The following SUCLG2 variants were observed in gnomAD, a reference collection of about 807,000 sequenced individuals.
SUCLG2 encodes succinate--CoA ligase [GDP-forming] subunit beta, mitochondrial.
A neutral mutation model predicts 47.9 loss-of-function variants in SUCLG2; 42 were observed. The observed-to-expected ratio is 0.88, with a 90% CI of 0.69 to 1.14. SUCLG2 has a LOEUF of 1.14. Ranked by LOEUF, SUCLG2 falls within the 50% of genes most tolerant of loss-of-function variation. SUCLG2 has a pLI of 0.00. For synonymous variants in SUCLG2, 195 were observed against 197.3 expected (o/e 0.99, Z 0.10); for missense variants, 571 against 525.9 (o/e 1.09, Z -0.84).
At chr3:67,456,021 C>T (rs1575707891) in intron 9 of SUCLG2, among the ~76,000 whole-genome samples, 1 of 152,002 alleles carries the variant, frequency 6.6e-6, no homozygotes, top group Non-Finnish European at 1.5e-5. Context: ...TGATATTGAT[C>T]AGTATAAGGC....
chr3:67,634,812 G>A (rs1246205851), intron 1 of SUCLG2, among the ~76,000 whole-genome samples: 1 of 152,140 alleles, frequency 6.6e-6, no homozygotes, highest in Non-Finnish European at 1.5e-5. Context: ...GAAACTCAGT[G>A]CAGACAATAC....
At chr3:67,589,065 T>C (rs1052583981) in intron 2 of SUCLG2, among the ~76,000 whole-genome samples, 1 of 152,190 alleles carries the variant, frequency 6.6e-6, no homozygotes, top group Admixed American at 6.5e-5. Flanking sequence ...CATGATCATC[T>C]TTCTGTCCCT....
chr3:67,624,367 C>T (rs1004191075), intron 1 of SUCLG2, among the ~76,000 whole-genome samples: 1 of 152,130 alleles, frequency 6.6e-6, no homozygotes, highest in Non-Finnish European at 1.5e-5. Flanking sequence ...GTCTGAAGTC[C>T]ACTATTTGTG....
At chr3:67,522,498 T>C (rs1366080398) in intron 4 of SUCLG2, among the ~76,000 whole-genome samples, 2 of 152,020 alleles carry the variant, frequency 1.3e-5, no homozygotes, top group African/African-American at 4.8e-5. Flanking sequence ...ATATTTAAAA[T>C]GTTGATAAGT....
Position 67,599,295 on chromosome 3 carries a change from C to T in SUCLG2, c.226+10160G>A, listed in dbSNP as rs148318353. Among the ~76,000 whole-genome samples the T allele has an allele frequency of 7.2e-5, 11 of 152,186 alleles. No homozygotes were observed. The East Asian group carries it at 9.7e-4, about 13-fold the overall frequency. On this transcript the variant is annotated intron_variant, in intron 2 of 10. Transcript: ENST00000307227. ...TGCACTATGAAAGAAAGAATTTGGACGAAGGCAGGAAGGAAACTGATGTGG... is the reference window on the plus strand; with the variant it reads ...TGCACTATGAAAGAAAGAATTTGGATGAAGGCAGGAAGGAAACTGATGTGG...
At chr3:67,609,094 G>C (rs1202811449) in intron 2 of SUCLG2, among the ~76,000 whole-genome samples, 2 of 152,172 alleles carry the variant, frequency 1.3e-5, no homozygotes, top group Non-Finnish European at 1.5e-5. Flanking sequence ...GCCCAGTCTA[G>C]AGGAAACCTC....
chr3:67,404,026 C>CA (rs1446037312), intron 9 of SUCLG2, among the ~76,000 whole-genome samples: 1 of 152,204 alleles, frequency 6.6e-6, no homozygotes, highest in Non-Finnish European at 1.5e-5. Flanking sequence ...GCTGGGACTA[C>CA]AGGCAGCTGC....
chr3:67,624,507 A>C (rs1347964473), intron 1 of SUCLG2, among the ~76,000 whole-genome samples: 1 of 152,220 alleles, frequency 6.6e-6, no homozygotes, highest in East Asian at 1.9e-4. Flanking sequence ...CATTGTCAAA[A>C]TCTCCATTTA....
intron 9 of SUCLG2, among the ~76,000 whole-genome samples, chr3:67,429,071 C>T (rs777037049): frequency 2.6e-5 from 4 of 152,162 alleles, no homozygotes; most frequent in Non-Finnish European, 4.4e-5. Context: ...GCAAGGCAGG[C>T]CAACATTCAG....
At chr3:67,595,866 T>C (rs1261775506) in intron 2 of SUCLG2, among the ~76,000 whole-genome samples, 1 of 152,190 alleles carries the variant, frequency 6.6e-6, no homozygotes, top group Non-Finnish European at 1.5e-5. Context: ...AGAGCATAAG[T>C]AAATGAAAGT....
intron 10 of SUCLG2, among the ~76,000 whole-genome samples, chr3:67,396,990 T>C (rs1405535819): frequency 2.6e-5 from 4 of 151,738 alleles, no homozygotes; most frequent in South Asian, 2.1e-4. Context: ...TGCTAAAAAC[T>C]CTCAATAAAT....
chr3:67,504,797 T>C (rs1235524379), intron 7 of SUCLG2, among the ~76,000 whole-genome samples: 1 of 152,124 alleles, frequency 6.6e-6, no homozygotes, highest in Non-Finnish European at 1.5e-5. Context: ...AGAAGAAATA[T>C]GACATGAAAT....
chr3:67,466,349 TC>T (rs1044018759), intron 9 of SUCLG2, among the ~76,000 whole-genome samples: 16 of 152,192 alleles, frequency 1.1e-4, no homozygotes, highest in African/African-American at 3.6e-4. Flanking sequence ...AGACTTTGTC[TC>T]AAAAAAAAGA....
chr3:67,612,838 G>C (rs934048673), intron 1 of SUCLG2, among the ~76,000 whole-genome samples: 3 of 152,210 alleles, frequency 2.0e-5, no homozygotes, highest in African/African-American at 7.2e-5. Context: ...TGACCAACCA[G>C]TTATCAATTG....
intron 10 of SUCLG2, among the ~76,000 whole-genome samples, chr3:67,380,734 A>G (rs1441643188): frequency 6.6e-6 from 1 of 152,114 alleles, no homozygotes; most frequent in Non-Finnish European, 1.5e-5. Flanking sequence ...GAAGAGAGAG[A>G]CAAGAGACAG....
intron 1 of SUCLG2, among the ~76,000 whole-genome samples, chr3:67,644,369 A>C (rs1575840159): frequency 6.6e-6 from 1 of 152,222 alleles, no homozygotes; most frequent in East Asian, 1.9e-4. Flanking sequence ...TAAATGAAAT[A>C]AGCCAGTCAT....
At chr3:67,638,505 A>G (rs1701045529) in intron 1 of SUCLG2, among the ~76,000 whole-genome samples, 1 of 152,168 alleles carries the variant, frequency 6.6e-6, no homozygotes, top group South Asian at 2.1e-4. Flanking sequence ...TGCCTTACCT[A>G]GGAGCTCCAT....
chr3:67,625,305 A>C (rs1211577341), intron 1 of SUCLG2, among the ~76,000 whole-genome samples: 3 of 152,196 alleles, frequency 2.0e-5, no homozygotes, highest in Non-Finnish European at 2.9e-5. Flanking sequence ...CTGTTTGTTT[A>C]TGCTAACTGC....
intron 9 of SUCLG2, among the ~76,000 whole-genome samples, chr3:67,430,192 G>T (rs916861109): frequency 4.6e-5 from 7 of 152,062 alleles, no homozygotes; most frequent in African/African-American, 1.7e-4. Context: ...ATTGACCACA[G>T]AGTTGGAAGT....
Sources: gnomAD v4.1 joint callset for allele counts (sites outside exome capture counted in the v4.1 genomes callset) on GRCh38, gnomAD v4.1.1 for gene constraint, MANE v1.5 for transcripts, NCBI Gene and HGNC (gene_info 2026-07-23, HGNC 2026-07-21) for gene names.